EPB41L2: variants seen among roughly 807,000 people sequenced by gnomAD.
EPB41L2 encodes the protein band 4.1-like protein 2.
EPB41L2 carries 43 observed loss-of-function variants against 113.0 expected under a neutral mutation model. That is an observed-to-expected ratio of 0.38 (90% CI 0.30 to 0.49). EPB41L2 has a LOEUF of 0.49. Among genes scored for constraint, EPB41L2 ranks in the 20% least tolerant of loss-of-function variants. The pLI, the probability that EPB41L2 is intolerant of heterozygous loss-of-function variation, is 0.95. For synonymous variants in EPB41L2, 442 were observed against 436.7 expected, an observed-to-expected ratio of 1.01 and a Z score of -0.15; for missense variants, 1,147 against 1,223.4, an observed-to-expected ratio of 0.94 and a Z score of 0.93.
intron 19 of EPB41L2, among the ~76,000 whole-genome samples, chr6:130,857,087 A>G (rs1037104772): frequency 1.1e-4 from 16 of 152,308 alleles, no homozygotes; most frequent in Non-Finnish European, 2.1e-4. Flanking sequence ...AATGGTAGAC[A>G]TGTTTAATGT....
chr6:131,062,266 CACAG>C (rs1798814770), intron 1 of EPB41L2: 1 of 151,944 alleles, frequency 6.6e-6, no homozygotes, highest in Admixed American at 6.6e-5. Flanking sequence ...GATGTCCCAC[CACAG>C]ACCTCAGGCT....
intron 3 of EPB41L2, among the ~76,000 whole-genome samples, chr6:130,941,504 G>T (rs1810881760): frequency 6.6e-6 from 1 of 152,146 alleles, no homozygotes; most frequent in African/African-American, 2.4e-5. Flanking sequence ...ACTTCTGTAG[G>T]CTAGCACATT....
intron 3 of EPB41L2, among the ~76,000 whole-genome samples, chr6:130,936,372 C>T (rs1808791086): frequency 6.6e-6 from 1 of 152,122 alleles, no homozygotes; most frequent in Admixed American, 6.5e-5. Context: ...TCTTCTGACC[C>T]TCCAACAGAA....
chr6:130,979,311 C>A (rs2128671431), intron 1 of EPB41L2, among the ~76,000 whole-genome samples: 1 of 151,714 alleles, frequency 6.6e-6, no homozygotes, highest in South Asian at 2.1e-4. Flanking sequence ...CATAGCAAAA[C>A]CCCATCTCTC....
chr6:130,845,385 T>C (rs1583467144), intron 19 of EPB41L2, among the ~76,000 whole-genome samples: 1 of 1,302 alleles, frequency 7.7e-4, no homozygotes, highest in South Asian at 0.042. Context: ...AACCTTATTC[T>C]TTTTTTTTTA....
intron 14 of EPB41L2, among the ~76,000 whole-genome samples, chr6:130,877,835 A>G (rs1249181009): frequency 1.5e-5 from 1 of 65,788 alleles, no homozygotes; most frequent in East Asian, 0.016. Context: ...CTATATAACA[A>G]TTCATTACTA....
At chr6:131,011,966 A>C (rs889379879) in intron 1 of EPB41L2, among the ~76,000 whole-genome samples, 2 of 152,220 alleles carry the variant, frequency 1.3e-5, no homozygotes, top group South Asian at 4.1e-4. Flanking sequence ...GCACTTTGGG[A>C]GACCAAGGCA....
intron 6 of EPB41L2, among the ~76,000 whole-genome samples, chr6:130,903,626 T>C (rs1163971007): frequency 6.6e-6 from 1 of 152,104 alleles, no homozygotes; most frequent in Non-Finnish European, 1.5e-5. Flanking sequence ...ACAGTTGTAC[T>C]TGACCATGTA....
chr6:130,875,783 G>T (rs1179157149), intron 14 of EPB41L2, among the ~76,000 whole-genome samples: 8 of 152,054 alleles, frequency 5.3e-5, no homozygotes, highest in Admixed American at 5.2e-4. Flanking sequence ...CAAATCACGT[G>T]GTCAGGAGTC....
At chr6:130,894,817 CA>C in intron 9 of EPB41L2, 149 bp downstream of exon 9, 1 of 883,030 alleles carries the variant, frequency 1.1e-6, no homozygotes, top group Non-Finnish European at 1.6e-6. Context: ...ATATATACTG[CA>C]ATTTTACCAT....
chr6:131,036,059 G>T (rs1337661081), intron 1 of EPB41L2, among the ~76,000 whole-genome samples: 1 of 152,124 alleles, frequency 6.6e-6, no homozygotes, highest in African/African-American at 2.4e-5. Flanking sequence ...CTGGGTGATG[G>T]GCAGTGGGGA....
chr6:130,876,870 A>T, intron 14 of EPB41L2: 20 of 582,634 alleles, frequency 3.4e-5, no homozygotes, highest in African/African-American at 5.8e-5. Context: ...GTGTGGGTCA[A>T]TGACACACAC....
intron 16 of EPB41L2, among the ~76,000 whole-genome samples, chr6:130,867,087 G>T (rs939747772): frequency 6.6e-6 from 1 of 151,984 alleles, no homozygotes; most frequent in Non-Finnish European, 1.5e-5. Context: ...CAATTAGATC[G>T]GATTATTATT....
chr6:131,044,019 C>CTTTTTT (rs35350923), intron 1 of EPB41L2, among the ~76,000 whole-genome samples: 1 of 103,056 alleles, frequency 9.7e-6, no homozygotes, highest in African/African-American at 4.1e-5. Flanking sequence ...CTAAATAATG[C>CTTTTTT]TTTTTTTTTT....
chr6:130,899,215 T>TC (rs1795565111), intron 8 of EPB41L2, among the ~76,000 whole-genome samples: 2 of 146,378 alleles, frequency 1.4e-5, no homozygotes, highest in African/African-American at 5.4e-5. Flanking sequence ...GGATAAGCGG[T>TC]GAAAAAAAAA....
chr6:130,855,277 G>C (rs1001689202), intron 19 of EPB41L2, among the ~76,000 whole-genome samples: 1 of 151,992 alleles, frequency 6.6e-6, no homozygotes, highest in Admixed American at 6.6e-5. Context: ...CTTGAACCTG[G>C]GAGGCGGAGG....
chr6:131,054,131 G>C (rs769367892), intron 1 of EPB41L2, among the ~76,000 whole-genome samples: 1 of 152,186 alleles, frequency 6.6e-6, no homozygotes, highest in African/African-American at 2.4e-5. Flanking sequence ...AGGGGAACAA[G>C]GCCTGTAGCT....
intron 3 of EPB41L2, among the ~76,000 whole-genome samples, chr6:130,940,759 G>A (rs970616436): frequency 1.7e-4 from 26 of 152,198 alleles, no homozygotes; most frequent in East Asian, 7.7e-4. Context: ...ATAAGCCAGC[G>A]TGCTCAGCCC....
intron 1 of EPB41L2, among the ~76,000 whole-genome samples, chr6:130,964,712 A>G (rs1774570103): frequency 6.6e-6 from 1 of 152,196 alleles, no homozygotes; most frequent in Admixed American, 6.5e-5. Context: ...AGAAATAATC[A>G]TGATAATATC....
Sources: gnomAD v4.1 joint callset for allele counts (sites outside exome capture counted in the v4.1 genomes callset) on GRCh38, gnomAD v4.1.1 for gene constraint, MANE v1.5 for transcripts, NCBI Gene and HGNC (gene_info 2026-07-23, HGNC 2026-07-21) for gene names.